ANK3: variants seen among roughly 807,000 people sequenced by gnomAD.
ANK3 encodes ankyrin-3.
Under a neutral mutation model 370.9 loss-of-function variants are expected in ANK3, and 57 were observed. That is an observed-to-expected ratio of 0.15 (90% CI 0.12 to 0.19). ANK3 has a LOEUF of 0.19. Among genes scored for constraint, ANK3 ranks in the 10% least tolerant of loss-of-function variants. The pLI is 1.00. For synonymous variants in ANK3, 1,929 were observed against 1,946.3 expected, an observed-to-expected ratio of 0.99 and a Z score of 0.23; for missense variants, 4,439 against 5,302.1, an observed-to-expected ratio of 0.84 and a Z score of 5.06.
intron 2 of ANK3, among the ~76,000 whole-genome samples, chr10:60,528,144 T>TTG: frequency 6.8e-6 from 1 of 148,032 alleles, no homozygotes; most frequent in Non-Finnish European, 1.5e-5. Context: ...CTTCTTTTTT[T>TTG]TTTTTTTTTG....
At chr10:60,049,091 T>A (rs1265302576) in intron 42 of ANK3, among the ~76,000 whole-genome samples, 1 of 152,054 alleles carries the variant, frequency 6.6e-6, no homozygotes, top group African/African-American at 2.4e-5. Context: ...AACAGAAAAA[T>A]AATTTATAAA....
chr10:60,713,038 T>C (rs779763305), intron 1 of ANK3, among the ~76,000 whole-genome samples: 15 of 152,156 alleles, frequency 9.9e-5, no homozygotes, highest in Non-Finnish European at 1.5e-4. Flanking sequence ...TTATCAGTAA[T>C]TGACAGATCC....
At chr10:60,313,928 G>GTTTTTTTTTTTTT (rs760802914) in intron 1 of ANK3, among the ~76,000 whole-genome samples, 1 of 132,124 alleles carries the variant, frequency 7.6e-6, no homozygotes, top group Non-Finnish European at 1.6e-5. Context: ...TTTTGTTTTT[G>GTTTTTTTTTTTTT]TTTTTTTTTT....
chr10:60,591,778 T>C (rs760059749), intron 2 of ANK3, among the ~76,000 whole-genome samples: 3 of 152,136 alleles, frequency 2.0e-5, no homozygotes, highest in Admixed American at 6.6e-5. Context: ...TGCAGCAATG[T>C]GGATGGAACT....
chr10:60,685,904 T>C (rs1329354438), intron 1 of ANK3, among the ~76,000 whole-genome samples: 3 of 152,104 alleles, frequency 2.0e-5, no homozygotes, highest in Admixed American at 6.6e-5. Context: ...TATAAACATA[T>C]AAATAGAATA....
At chr10:60,254,463 C>A (rs779413617) in intron 7 of ANK3, among the ~76,000 whole-genome samples, 2 of 152,190 alleles carry the variant, frequency 1.3e-5, no homozygotes, top group East Asian at 1.9e-4. Context: ...TAGCTGATGT[C>A]CTTTCTAGCA....
intron 1 of ANK3, among the ~76,000 whole-genome samples, chr10:60,331,032 C>T (rs1385822316): frequency 2.0e-5 from 3 of 152,058 alleles, no homozygotes; most frequent in African/African-American, 7.2e-5. Context: ...AAACCAAACA[C>T]TGCATGTTCT....
intron 1 of ANK3, among the ~76,000 whole-genome samples, chr10:60,707,572 A>C (rs1362135471): frequency 6.6e-6 from 1 of 151,762 alleles, no homozygotes; most frequent in Non-Finnish European, 1.5e-5. Flanking sequence ...GTTCTGATAC[A>C]CTTAGACATG....
At position 60,665,980 on chromosome 10, in the gene ANK3, G is replaced by A. The variant is rs377388589; in HGVS notation, c.58-50756C>T. 3.3e-4 allele frequency among the ~76,000 whole-genome samples: 50 copies of A among 152,330 alleles called. 2 individuals carry two copies. The South Asian group carries it at 0.01, about 32-fold the overall frequency. ...ATTGGTCGAAATGTAAAATGGTGCA[G>A]CTGCTGTTGAAAACAGTATGGAGGT... On this transcript the variant is annotated intron_variant, in intron 1 of 43. Transcript: ENST00000373827.
intron 2 of ANK3, among the ~76,000 whole-genome samples, chr10:60,443,533 A>C (rs912930553): frequency 6.6e-6 from 1 of 152,224 alleles, no homozygotes; most frequent in Admixed American, 6.5e-5. Context: ...TTCAATGCTT[A>C]CTGCCAACAT....
chr10:60,513,285 T>C (rs889800102), intron 2 of ANK3, among the ~76,000 whole-genome samples: 1 of 152,086 alleles, frequency 6.6e-6, no homozygotes, highest in Non-Finnish European at 1.5e-5. Context: ...GATTATAAGA[T>C]GTGGTCATTA....
intron 20 of ANK3, 58 bp from the exon 21 acceptor site, chr10:60,172,461 C>G: frequency 7.0e-7 from 1 of 1,431,850 alleles, no homozygotes; most frequent in Non-Finnish European, 9.8e-7. Context: ...ATTTTTTTTG[C>G]TGATACAAAA....
rs750014896 is a variant in ANK3, at chr10:60,240,834, G to A, written c.799-6048C>T. Among the ~76,000 whole-genome samples, 7 of 152,010 alleles carry A rather than the reference G, an allele frequency of 4.6e-5. No homozygotes were observed. In the East Asian group the frequency reaches 5.8e-4, roughly 13 times the overall value. ...CTTGAACTTCTGACGTCAAGTGATC[G>A]CCCACCTTGGCCTCCCAGTGTGCTG... On this transcript the variant is annotated intron_variant, in intron 7 of 43. Coordinates refer to ENST00000280772, the MANE Select transcript of ANK3 (RefSeq NM_020987.5).
rs184302810 is a variant in ANK3, at chr10:60,081,797, G to C, written c.4350+353C>G. The stretch of plus-strand genomic sequence containing the variant: ...TGACTGTTCTCGTCAGTCATAGATA[G>C]AACTTCCTGGTCCTACTCTTTTCCC... On this transcript the variant is annotated intron_variant, in intron 35 of 43. Transcript: ENST00000280772. The C allele has an allele frequency of 4.5e-5, 8 of 176,904 alleles. No individual in the cohort carries two copies. The East Asian group carries it at 1.1e-3, about 25-fold the overall frequency. 11.0% of individuals were successfully genotyped at this position (176,904 alleles called of 1,614,324 possible). A position where few individuals can be genotyped will look rare whatever the true frequency, so the allele number is the denominator to read the frequency against.
intron 2 of ANK3, among the ~76,000 whole-genome samples, chr10:60,537,578 C>T (rs1009813290): frequency 6.6e-6 from 1 of 151,740 alleles, no homozygotes; most frequent in African/African-American, 2.4e-5. Context: ...CACAGTACCC[C>T]AACTCACTGG....
At chr10:60,536,819 A>G (rs554577119) in intron 2 of ANK3, among the ~76,000 whole-genome samples, 127 of 152,150 alleles carry the variant, frequency 8.3e-4, no homozygotes, top group African/African-American at 2.9e-3. Flanking sequence ...GTAATAGTGC[A>G]CCCAAGAGTA....
At chr10:60,730,253 G>C (rs2080002321) in intron 1 of ANK3, among the ~76,000 whole-genome samples, 2 of 151,938 alleles carry the variant, frequency 1.3e-5, no homozygotes, top group South Asian at 4.2e-4. Context: ...AACCTCCCAG[G>C]CCCAAGTGAT....
intron 2 of ANK3, among the ~76,000 whole-genome samples, chr10:60,452,089 G>T (rs1040254861): frequency 6.6e-6 from 1 of 152,244 alleles, no homozygotes; most frequent in Non-Finnish European, 1.5e-5. Context: ...CACTGAAAAT[G>T]TTATCTTTAC....
rs2077717143 is a variant in ANK3, at chr10:60,579,160, A to G, written c.96+36026T>C. ...GCCAACATGGTGAAACCCCGTCTCT[A>G]CTAAAAATACAAAAATTTGCTGGAA... On this transcript the variant is annotated intron_variant, in intron 2 of 43. Transcript: ENST00000373827. 2.0e-5 allele frequency among the ~76,000 whole-genome samples: 3 copies of G among 151,828 alleles called. No individual in the cohort carries two copies. In the South Asian group the frequency reaches 6.2e-4, roughly 32 times the overall value.
Sources: allele counts gnomAD v4.1 joint callset (sites outside exome capture counted in the v4.1 genomes callset), GRCh38; gene constraint gnomAD v4.1.1; transcripts MANE v1.5; gene names NCBI Gene and HGNC (gene_info 2026-07-23, HGNC 2026-07-21).